Variants in BBS9 observed in about 807,000 individuals in gnomAD.
BBS9 encodes the protein protein PTHB1.
BBS9 carries 89 observed loss-of-function variants against 117.7 expected under a neutral mutation model. That is an observed-to-expected ratio of 0.76 (90% confidence interval 0.64 to 0.90). The LOEUF (loss-of-function observed/expected upper bound fraction) is 0.90, where lower values mean the gene tolerates loss of function less well. Ranked by LOEUF, BBS9 falls within the 40% of genes least tolerant of loss-of-function variation. The probability of loss-of-function intolerance (pLI) is 0.00; values close to 1 mark genes in which losing one functional copy is unlikely to be tolerated. For missense variants in BBS9, 982 were observed against 1,042.2 expected, an observed-to-expected ratio of 0.94 and a Z score of 0.80; for synonymous variants, 379 against 370.9, an observed-to-expected ratio of 1.02 and a Z score of -0.25.
intron 17 of BBS9, among the ~76,000 whole-genome samples, chr7:33,381,616 TGTC>T (rs1825050297): frequency 6.6e-6 from 1 of 152,192 alleles, no homozygotes; most frequent in African/African-American, 2.4e-5. Flanking sequence ...AAAACTTCAG[TGTC>T]ATTTATTTAC....
At chr7:33,475,044 G>A (rs1841610186) in intron 19 of BBS9, among the ~76,000 whole-genome samples, 1 of 152,156 alleles carries the variant, frequency 6.6e-6, no homozygotes. Context: ...GCCTTCCTAA[G>A]CAATCCATTC....
chr7:33,502,937 C>T (rs1174814709), intron 19 of BBS9, among the ~76,000 whole-genome samples: 1 of 152,122 alleles, frequency 6.6e-6, no homozygotes, highest in Non-Finnish European at 1.5e-5. Context: ...AAATAAAAAG[C>T]TTTTTCTTTT....
intron 20 of BBS9, among the ~76,000 whole-genome samples, chr7:33,507,004 C>T (rs910536540): frequency 6.6e-6 from 1 of 152,150 alleles, no homozygotes; most frequent in Non-Finnish European, 1.5e-5. Context: ...GGTTCCACCA[C>T]TTGGTGACAA....
intron 16 of BBS9, among the ~76,000 whole-genome samples, chr7:33,361,642 T>C (rs1218662918): frequency 6.6e-6 from 1 of 152,160 alleles, no homozygotes; most frequent in African/African-American, 2.4e-5. Flanking sequence ...TTAACTTGAA[T>C]TTCCAATATG....
chr7:33,454,301 A>G (rs188927007), intron 19 of BBS9, among the ~76,000 whole-genome samples: 67 of 152,304 alleles, frequency 4.4e-4, no homozygotes, highest in Non-Finnish European at 7.9e-4. Flanking sequence ...TTAATCCAGT[A>G]GTTTCTATTC....
At chr7:33,194,505 G>A (rs1381706435) in intron 5 of BBS9, among the ~76,000 whole-genome samples, 1 of 152,118 alleles carries the variant, frequency 6.6e-6, no homozygotes, top group African/African-American at 2.4e-5. Flanking sequence ...AATCCACGAA[G>A]TTACATTTTT....
intron 21 of BBS9, among the ~76,000 whole-genome samples, chr7:33,542,960 C>T (rs536316810): frequency 1.6e-4 from 24 of 152,046 alleles, no homozygotes; most frequent in Non-Finnish European, 2.9e-4. Context: ...GACTTCTTTT[C>T]CTCTGGGTAG....
chr7:33,194,971 G>A (rs1170544640), intron 5 of BBS9, among the ~76,000 whole-genome samples: 1 of 152,192 alleles, frequency 6.6e-6, no homozygotes, highest in Admixed American at 6.5e-5. Flanking sequence ...AGAGATAGAG[G>A]TGTTTCTCCA....
intron 17 of BBS9, 144 bp downstream of exon 17, chr7:33,368,006 G>A: frequency 1.4e-6 from 1 of 730,282 alleles, no homozygotes; most frequent in Non-Finnish European, 2.4e-6. Flanking sequence ...AAGTAGATAG[G>A]ATGTGAAAGT....
chr7:33,537,684 A>G (rs10280221), intron 21 of BBS9, among the ~76,000 whole-genome samples: 20,737 of 152,118 alleles, frequency 0.14, 1,712 homozygotes, highest in African/African-American at 0.22. Flanking sequence ...TTTCATGCAT[A>G]TATGTTCCCA....
intron 21 of BBS9, among the ~76,000 whole-genome samples, chr7:33,627,208 A>G (rs1865684305): frequency 6.6e-6 from 1 of 152,230 alleles, no homozygotes; most frequent in Non-Finnish European, 1.5e-5. Flanking sequence ...GGTCCCAGAT[A>G]CATCTAGGCT....
At chr7:33,280,142 C>G (rs1407373397) in intron 9 of BBS9, among the ~76,000 whole-genome samples, 2 of 152,172 alleles carry the variant, frequency 1.3e-5, no homozygotes, top group Non-Finnish European at 2.9e-5. Flanking sequence ...TTAACAGTTT[C>G]TTCTTTTTAA....
chr7:33,183,931 A>G (rs1798437529), intron 5 of BBS9, among the ~76,000 whole-genome samples: 1 of 152,168 alleles, frequency 6.6e-6, no homozygotes, highest in Admixed American at 6.5e-5. Flanking sequence ...CCCATGTTCA[A>G]TCTTAAGGTA....
At chr7:33,326,199 C>G (rs1584333629) in intron 9 of BBS9, among the ~76,000 whole-genome samples, 2 of 152,216 alleles carry the variant, frequency 1.3e-5, no homozygotes, top group East Asian at 3.9e-4. Context: ...ACTCAAGCCA[C>G]AAGACAATGT....
intron 19 of BBS9, among the ~76,000 whole-genome samples, chr7:33,405,883 C>T (rs1160932322): frequency 2.6e-5 from 4 of 152,082 alleles, no homozygotes; most frequent in Non-Finnish European, 5.9e-5. Context: ...TTGCCTTCTG[C>T]TAGCTTTTGA....
intron 5 of BBS9, among the ~76,000 whole-genome samples, chr7:33,236,382 A>G (rs1247464087): frequency 6.6e-6 from 1 of 151,642 alleles, no homozygotes; most frequent in African/African-American, 2.4e-5. Context: ...ATACAAAACA[A>G]TTACGACTGT....
intron 12 of BBS9, among the ~76,000 whole-genome samples, chr7:33,344,899 G>A (rs1817307228): frequency 6.6e-6 from 1 of 152,188 alleles, no homozygotes. Flanking sequence ...TGTGTAGCAT[G>A]ATCCAGGCTT....
intron 5 of BBS9, among the ~76,000 whole-genome samples, chr7:33,233,513 C>T (rs572259332): frequency 3.0e-4 from 46 of 152,192 alleles, no homozygotes; most frequent in African/African-American, 1.1e-3. Flanking sequence ...TATGAACTTT[C>T]TATAAGGAGG....
chr7:33,350,210 G>A (rs1000975462), intron 13 of BBS9, among the ~76,000 whole-genome samples: 3 of 151,662 alleles, frequency 2.0e-5, no homozygotes, highest in African/African-American at 7.3e-5. Context: ...TCTTATTCAC[G>A]AAGTCAAGAA....
Sources: gnomAD v4.1 joint callset for allele counts (sites outside exome capture counted in the v4.1 genomes callset) on GRCh38, gnomAD v4.1.1 for gene constraint, MANE v1.5 for transcripts, NCBI Gene and HGNC (gene_info 2026-07-23, HGNC 2026-07-21) for gene names.